The following RASA2 variants were observed in gnomAD, a reference collection of about 807,000 sequenced individuals.
The protein encoded by RASA2 is ras GTPase-activating protein 2.
RASA2 carries 155 observed loss-of-function variants against 118.2 expected under a neutral mutation model. The ratio of observed to expected loss-of-function variants is 1.31; its 90% CI spans 1.15 to 1.50. RASA2 has a LOEUF of 1.50. Among genes scored for constraint, RASA2 ranks in the 40% most tolerant of loss-of-function variants. The pLI is 0.00. For synonymous variants in RASA2, 353 were observed against 349.1 expected (o/e 1.01, Z -0.12); for missense variants, 1,016 against 1,009.6 (o/e 1.01, Z -0.09).
At chr3:141,505,804 A>G (rs931906345) in intron 1 of RASA2, among the ~76,000 whole-genome samples, 2 of 151,946 alleles carry the variant, frequency 1.3e-5, no homozygotes, top group African/African-American at 4.8e-5. Flanking sequence ...ACGTATTAAA[A>G]AGGTAACTAG....
At chr3:141,523,108 T>C (rs1291117199) in intron 3 of RASA2, among the ~76,000 whole-genome samples, 1 of 152,168 alleles carries the variant, frequency 6.6e-6, no homozygotes, top group African/African-American at 2.4e-5. Flanking sequence ...TAAAAAAATT[T>C]TAAATTATGG....
intron 1 of RASA2, among the ~76,000 whole-genome samples, chr3:141,489,030 C>T (rs1463580779): frequency 3.3e-5 from 5 of 151,940 alleles, no homozygotes; most frequent in African/African-American, 2.4e-5. Context: ...TGGGTCTACA[C>T]GTTAAAAAAA....
intron 8 of RASA2, among the ~76,000 whole-genome samples, 177 bp from the exon 9 acceptor site, chr3:141,559,717 G>A (rs956916721): frequency 6.6e-6 from 1 of 152,094 alleles, no homozygotes; most frequent in Non-Finnish European, 1.5e-5. Context: ...AATAAAAGCT[G>A]CTGTAGTATT....
Position 141,519,352 on chromosome 3 carries a change from GAAGGAATTT to G in RASA2, c.355+2922_355+2930del, listed in dbSNP as rs138628311. On this transcript the variant is annotated intron_variant, in intron 3 of 23. Transcript: ENST00000286364. ...ATTTTAATGTGTGTTTTCTGATTTT[GAAGGAATTT>G]GAGGAATTTTTCATATGTTTATTGG... 7.2e-3 allele frequency among the ~76,000 whole-genome samples: 1,096 copies of G among 152,240 alleles called. 8 individuals are homozygous for G. Among genetic ancestry groups the G allele is most frequent in the Admixed American group, 0.016 (250 of 15,294 alleles).
At chr3:141,580,917 T>C (rs899444613) in intron 16 of RASA2, among the ~76,000 whole-genome samples, 183 bp from the exon 17 acceptor site, 10 of 151,894 alleles carry the variant, frequency 6.6e-5, no homozygotes, top group African/African-American at 9.7e-5. Flanking sequence ...AGTCTGTCTG[T>C]CTGCCTGCTT....
At chr3:141,605,261 C>T (rs1359823690) in intron 19 of RASA2, among the ~76,000 whole-genome samples, 1 of 152,140 alleles carries the variant, frequency 6.6e-6, no homozygotes, top group Non-Finnish European at 1.5e-5. Context: ...CTCCTGAATA[C>T]TCTTATTTGT....
chr3:141,598,254 A>G (rs1026155721), intron 19 of RASA2, among the ~76,000 whole-genome samples: 3 of 152,362 alleles, frequency 2.0e-5, no homozygotes, highest in South Asian at 2.1e-4. Context: ...AATACATATA[A>G]TGAATTAAAT....
intron 9 of RASA2, among the ~76,000 whole-genome samples, chr3:141,569,983 G>A (rs1394803893): frequency 2.0e-5 from 3 of 151,830 alleles, no homozygotes; most frequent in South Asian, 4.2e-4. Context: ...CTGTGACTGC[G>A]AACAAGATTA....
Position 141,559,884 on chromosome 3 carries a change from C to A in RASA2, c.762-10C>A. 2 of 1,610,908 alleles carry A rather than the reference C, an allele frequency of 1.2e-6. No homozygotes were observed. Among genetic ancestry groups the A allele is most frequent in the South Asian group, 1.1e-5 (1 of 90,894 alleles). ...GTTTGCAAAACATAAAGCCAGTTTT[C>A]AATTTTCAGGATCGACTTGTGGAAC... On this transcript the variant is annotated splice_polypyrimidine_tract_variant and intron_variant, in intron 8 of 23. Coordinates refer to ENST00000286364, the MANE Select transcript of RASA2 (RefSeq NM_006506.5).
At chr3:141,583,578 C>T (rs1303393598) in intron 17 of RASA2, among the ~76,000 whole-genome samples, 2 of 152,198 alleles carry the variant, frequency 1.3e-5, no homozygotes, top group Admixed American at 6.5e-5. Context: ...GGCGCTTCTT[C>T]AGTTCCCTTG....
At chr3:141,491,390 T>C (rs904599345) in intron 1 of RASA2, among the ~76,000 whole-genome samples, 5 of 152,198 alleles carry the variant, frequency 3.3e-5, no homozygotes, top group African/African-American at 4.8e-5. Context: ...TTCCTTATTA[T>C]AGCACATTTC....
intron 19 of RASA2, among the ~76,000 whole-genome samples, chr3:141,598,357 T>C (rs1553801719): frequency 6.6e-6 from 1 of 152,206 alleles, no homozygotes; most frequent in Non-Finnish European, 1.5e-5. Flanking sequence ...ATCAACATAA[T>C]TTATCTTATT....
intron 5 of RASA2, among the ~76,000 whole-genome samples, chr3:141,548,198 A>G (rs2082516560): frequency 6.6e-6 from 1 of 152,148 alleles, no homozygotes; most frequent in African/African-American, 2.4e-5. Context: ...CTGGCCTCAT[A>G]GGATGAATTT....
chr3:141,541,890 A>G (rs970640158), intron 5 of RASA2, among the ~76,000 whole-genome samples: 3 of 151,544 alleles, frequency 2.0e-5, no homozygotes, highest in African/African-American at 7.3e-5. Context: ...CTTTTTCTCC[A>G]CAGACTGACT....
At chr3:141,593,382 G>A (rs936659151) in intron 19 of RASA2, among the ~76,000 whole-genome samples, 1 of 151,930 alleles carries the variant, frequency 6.6e-6, no homozygotes, top group Non-Finnish European at 1.5e-5. Context: ...CCCCTTGAAA[G>A]CACTCCCAGT....
At chr3:141,586,779 G>A (rs778052096) in intron 19 of RASA2, 27 bp downstream of exon 19, 5 of 1,547,854 alleles carry the variant, frequency 3.2e-6, no homozygotes, top group African/African-American at 1.4e-5. Context: ...TTTATTGTGG[G>A]GTTTTTCCTG....
At chr3:141,605,702 C>T (rs1011377730) in intron 19 of RASA2, among the ~76,000 whole-genome samples, 1 of 152,034 alleles carries the variant, frequency 6.6e-6, no homozygotes, top group African/African-American at 2.4e-5. Context: ...ATGTTATCCT[C>T]CTTTGTTGCA....
chr3:141,523,071 T>G (rs2082134226), intron 3 of RASA2, among the ~76,000 whole-genome samples: 1 of 152,102 alleles, frequency 6.6e-6, no homozygotes, highest in African/African-American at 2.4e-5. Flanking sequence ...TCTCTCTGCT[T>G]CTTATGTATG....
At chr3:141,573,879 TC>T in intron 13 of RASA2, 64 bp from the exon 14 acceptor site, 1 of 1,351,040 alleles carries the variant, frequency 7.4e-7, no homozygotes, top group South Asian at 1.8e-5. Flanking sequence ...CATTTTTCTT[TC>T]ATGAAGGCTA....
Sources: allele counts gnomAD v4.1 joint callset (sites outside exome capture counted in the v4.1 genomes callset), GRCh38; gene constraint gnomAD v4.1.1; transcripts MANE v1.5; gene names NCBI Gene and HGNC (gene_info 2026-07-23, HGNC 2026-07-21).